Variants in LYZ observed in about 807,000 individuals in gnomAD.
LYZ encodes the protein lysozyme, also known as lysozyme C.
Under a neutral mutation model 15.8 loss-of-function variants are expected in LYZ, and 18 were observed. The ratio of observed to expected loss-of-function variants is 1.14; its 90% CI spans 0.79 to 1.69. The LOEUF is 1.69. LYZ is among the 40% of genes most tolerant of loss of function. The pLI, the probability that LYZ is intolerant of heterozygous loss-of-function variation, is 0.00. For synonymous variants in LYZ, 60 were observed against 61.7 expected (o/e 0.97, Z 0.13); for missense variants, 139 against 182.8 (o/e 0.76, Z 1.38).
At chr12:69,349,129 G>A (rs1000238227) in intron 1 of LYZ, among the ~76,000 whole-genome samples, 2 of 152,100 alleles carry the variant, frequency 1.3e-5, no homozygotes, top group African/African-American at 4.8e-5. Flanking sequence ...AGCCTTCTGA[G>A]TAGCTGTGAC....
At chr12:69,348,641 T>C in intron 1 of LYZ, 97 bp downstream of exon 1, 1 of 1,430,866 alleles carries the variant, frequency 7.0e-7, no homozygotes. Flanking sequence ...TGAATAGATG[T>C]TTTATTTCTT....
Position 69,348,468 on chromosome 12 carries a change from C to G in LYZ, c.60C>G (p.Val20=), listed in dbSNP as rs766589446. Residue 20 remains valine (V), a synonymous_variant, in exon 1 of 4, where the codon GTC becomes GTG. Coordinates refer to ENST00000261267, the MANE Select transcript of LYZ (RefSeq NM_000239.3). ...TTTCTGTTACGGTCCAGGGCAAGGT[C>G]TTTGAAAGGTGTGAGTTGGCCAGAA... ...VLLSVTVQGK[V]FERCELARTL... 2.0e-5 allele frequency: 33 copies of G among 1,614,010 alleles called. No individual in the cohort carries two copies. Among genetic ancestry groups the G allele is most frequent in the Non-Finnish European group, 2.6e-5 (31 of 1,180,014 alleles).
In LYZ at chr12:69,348,521, A is replaced by G; in HGVS notation, c.113A>G (p.Tyr38Cys). The G allele has an allele frequency of 6.2e-7, 1 of 1,614,200 alleles. No homozygotes were observed. Among genetic ancestry groups the G allele is most frequent in the Non-Finnish European group, 8.5e-7 (1 of 1,180,022 alleles). ...RTLKRLGMDG[Y>C]RGISLANWMC... ...CTGAAAAGATTGGGAATGGATGGCT[A>G]CAGGGGAATCAGCCTAGCAAACTGT... is the stretch of plus-strand genomic sequence containing the variant. Residue 38 changes from tyrosine (Y) to cysteine (C), a missense_variant, in exon 1 of 4, where the codon TAC (tyrosine) becomes TGC (cysteine). Transcript: ENST00000261267.
At chr12:69,348,704 C>A (rs1057483632) in intron 1 of LYZ, among the ~76,000 whole-genome samples, 160 bp downstream of exon 1, 2 of 152,116 alleles carry the variant, frequency 1.3e-5, no homozygotes, top group African/African-American at 4.8e-5. Flanking sequence ...TTCTTTATAA[C>A]CAGAGATACC....
chr12:69,350,214 C>G lies in LYZ; in HGVS notation c.243C>G (p.Tyr81Ter), dbSNP rs1874811350. The G allele has an allele frequency of 6.2e-7, 1 of 1,614,100 alleles. No individual in the cohort carries two copies. The highest frequency in any genetic ancestry group is 8.5e-7 in the Non-Finnish European group (1 of 1,179,976). ...DYGIFQINSR[Y>*]WCNDGKTPGA... ...GGATATTTCAGATCAATAGCCGCTA[C>G]TGGTGTAATGATGGCAAAACCCCAG... The change falls in exon 2 of 4, where the codon TAC becomes TAG. Residue 81 changes from tyrosine to a stop codon, truncating the protein, a stop_gained. Coordinates refer to ENST00000261267, the MANE Select transcript of LYZ (RefSeq NM_000239.3). LOFTEE classifies it high-confidence loss of function.
chr12:69,352,152 G>T (rs1224105316), intron 2 of LYZ, 68 bp from the exon 3 acceptor site: 1 of 1,068,494 alleles, frequency 9.4e-7, no homozygotes, highest in East Asian at 2.6e-5. Context: ...ACAGAAAAAA[G>T]CTGGCTAAAC....
rs574991035 is a variant in LYZ at position 69,352,681 on chromosome 12, C to T, written c.380+383C>T. ...CTGAGGTCAGGAGTTCGAGACCAGC[C>T]TGCCTAACATGGCAAAACCCCATCT... On this transcript the variant is annotated intron_variant, in intron 3 of 3. Transcript: ENST00000261267. Among the ~76,000 whole-genome samples the T allele has an allele frequency of 7.2e-5, 11 of 152,320 alleles. No homozygotes were observed. The East Asian group carries it at 1.9e-3, about 27-fold the overall frequency.
rs1405754976 is a variant in LYZ, at chr12:69,354,082, G to C, written c.*863G>C. ...AAAGTGTGTTTCTTTCTAAATTGCTGTTCCTTAATTTGATTAATTTAATTC... is the reference window on the plus strand; with the variant it reads ...AAAGTGTGTTTCTTTCTAAATTGCTCTTCCTTAATTTGATTAATTTAATTC... On this transcript the variant is annotated 3_prime_UTR_variant, in exon 4 of 4. Coordinates refer to ENST00000261267, the MANE Select transcript of LYZ (RefSeq NM_000239.3). 1 of 152,168 alleles carries C rather than the reference G, an allele frequency of 6.6e-6. No individual in the cohort carries two copies. Among genetic ancestry groups the C allele is most frequent in the African/African-American group, 2.4e-5 (1 of 41,430 alleles). 9.4% of individuals were successfully genotyped at this position (152,168 alleles called of 1,614,324 possible).
chr12:69,351,175 T>C (rs1874837224), intron 2 of LYZ, among the ~76,000 whole-genome samples: 1 of 152,166 alleles, frequency 6.6e-6, no homozygotes, highest in African/African-American at 2.4e-5. Flanking sequence ...ATTATTATTG[T>C]AAATAACAAA....
chr12:69,352,212 T>C lies in LYZ; in HGVS notation c.302-8T>C, dbSNP rs745417952. On this transcript the variant is annotated splice_polypyrimidine_tract_variant and splice_region_variant and intron_variant, in intron 2 of 3. Transcript: ENST00000261267. ...TAAAGTTTTTATTCCTTACCACCTGTCTTTCAGCTTTGCTGCAAGATAACA... is the reference window on the plus strand; with the variant it reads ...TAAAGTTTTTATTCCTTACCACCTGCCTTTCAGCTTTGCTGCAAGATAACA... The C allele has an allele frequency of 6.2e-7, 1 of 1,609,104 alleles. No individual in the cohort carries two copies. The highest frequency in any genetic ancestry group is 1.1e-5 in the South Asian group (1 of 90,960).
rs750113375 is a variant in LYZ at position 69,353,204 on chromosome 12, A to G, written c.432A>G (p.Gln144=). 15 of 1,613,858 alleles carry G rather than the reference A, an allele frequency of 9.3e-6. No homozygotes were observed. In the African/African-American group the frequency reaches 1.9e-4, roughly 20 times the overall value. ...CQNRDVRQYV[Q]GCGV is the part of the protein sequence containing the mutation. Reference sequence around the variant, plus strand: ...ACAGAGATGTCCGTCAGTATGTTCAAGGTTGTGGAGTGTAACTCCAGAATT... The same window carrying G: ...ACAGAGATGTCCGTCAGTATGTTCAGGGTTGTGGAGTGTAACTCCAGAATT... The change falls in exon 4 of 4, where the codon CAA becomes CAG. Residue 144 remains glutamine, a synonymous_variant. Coordinates refer to ENST00000261267, the MANE Select transcript of LYZ (RefSeq NM_000239.3).
At chr12:69,352,481 T>C (rs1480314336) in intron 3 of LYZ, among the ~76,000 whole-genome samples, 183 bp downstream of exon 3, 1 of 152,274 alleles carries the variant, frequency 6.6e-6, no homozygotes, top group Non-Finnish European at 1.5e-5. Context: ...TCCAGAATCT[T>C]ACTCTTTTAC....
chr12:69,348,448 G>T lies in LYZ; in HGVS notation c.40G>T (p.Val14Phe), dbSNP rs531119114. 21 of 1,614,186 alleles carry T rather than the reference G, an allele frequency of 1.3e-5. No homozygotes were observed. In the East Asian group the frequency reaches 4.5e-4, roughly 34 times the overall value. The change falls in exon 1 of 4, where the codon GTT becomes TTT. Residue 14 changes from valine to phenylalanine, a missense_variant. Physicochemically the swap from Val to Phe is conservative, Grantham distance 50. Coordinates refer to ENST00000261267, the MANE Select transcript of LYZ (RefSeq NM_000239.3). ...TGTTCTGGGGCTTGTCCTCCTTTCT[G>T]TTACGGTCCAGGGCAAGGTCTTTGA... Reference protein sequence around the residue: ...LIVLGLVLLSVTVQGKVFERC... With the variant: ...LIVLGLVLLSFTVQGKVFERC...
At position 69,351,381 on chromosome 12, in the gene LYZ, T is replaced by A. The variant is rs569016459; in HGVS notation, c.302-839T>A. Reference sequence around the variant, plus strand: ...TCTAAAATCCAGTTAATTAAAAAAATTTATATTATATAATAATATTTGGTC... The same window carrying A: ...TCTAAAATCCAGTTAATTAAAAAAAATTATATTATATAATAATATTTGGTC... On this transcript the variant is annotated intron_variant, in intron 2 of 3. Transcript: ENST00000261267. Among the ~76,000 whole-genome samples, 194 of 151,522 alleles carry A rather than the reference T, an allele frequency of 1.3e-3. 1 individual carries two copies. The highest frequency in any genetic ancestry group is 4.5e-3 in the African/African-American group (186 of 41,464).
In LYZ at chr12:69,354,146, G is replaced by T. The variant is rs1382818428; in HGVS notation, c.*927G>T. On this transcript the variant is annotated 3_prime_UTR_variant, in exon 4 of 4. Transcript: ENST00000261267. Reference sequence around the variant, plus strand: ...AAATCTGAGGCAGATGAGCTTACAAGTATTGAAATAATTACTAATTAATCA... The same window carrying T: ...AAATCTGAGGCAGATGAGCTTACAATTATTGAAATAATTACTAATTAATCA... The T allele has an allele frequency of 6.6e-6, 1 of 152,160 alleles. No individual in the cohort carries two copies. The highest frequency in any genetic ancestry group is 1.5e-5 in the Non-Finnish European group (1 of 68,020). 9.4% of individuals were successfully genotyped at this position (152,160 alleles called of 1,614,324 possible).
intron 1 of LYZ, among the ~76,000 whole-genome samples, chr12:69,349,289 C>T (rs193056383): frequency 6.6e-6 from 1 of 152,288 alleles, no homozygotes; most frequent in Admixed American, 6.5e-5. Context: ...AGGTGTGAAC[C>T]ACTGCACCCA....
chr12:69,349,460 A>G (rs775476203), intron 1 of LYZ, among the ~76,000 whole-genome samples: 2 of 152,222 alleles, frequency 1.3e-5, no homozygotes, highest in African/African-American at 2.4e-5. Context: ...TTGATTAACT[A>G]TCTTTCATTT....
chr12:69,350,093 A>G lies in LYZ; in HGVS notation c.137-15A>G. The G allele has an allele frequency of 1.2e-6, 2 of 1,613,644 alleles. No individual in the cohort carries two copies. The highest frequency in any genetic ancestry group is 1.7e-6 in the Non-Finnish European group (2 of 1,179,572). ...TTAGTGTTGCTGTTTATTACTAAAA[A>G]TAAGTTCTTTTCAGGGATGTGTTTG... On this transcript the variant is annotated splice_polypyrimidine_tract_variant and intron_variant, in intron 1 of 3. Coordinates refer to ENST00000261267, the MANE Select transcript of LYZ (RefSeq NM_000239.3).
At chr12:69,351,090 G>T (rs1269218559) in intron 2 of LYZ, among the ~76,000 whole-genome samples, 1 of 152,068 alleles carries the variant, frequency 6.6e-6, no homozygotes, top group Non-Finnish European at 1.5e-5. Context: ...AGACTTTTAA[G>T]TGAATTAGGA....
Sources: gnomAD v4.1 joint callset for allele counts (sites outside exome capture counted in the v4.1 genomes callset) on GRCh38, gnomAD v4.1.1 for gene constraint, MANE v1.5 for transcripts, NCBI Gene and HGNC (gene_info 2026-07-23, HGNC 2026-07-21) for gene names.